The following ATG14 variants were observed in gnomAD, a reference collection of about 807,000 sequenced individuals.
ATG14 encodes beclin 1-associated autophagy-related key regulator.
A neutral mutation model predicts 60.4 loss-of-function variants in ATG14; 35 were observed. The observed-to-expected ratio is 0.58, with a 90% CI of 0.44 to 0.77. The LOEUF (loss-of-function observed/expected upper bound fraction) is 0.77. Among genes scored for constraint, ATG14 ranks in the 30% least tolerant of loss-of-function variants. ATG14 has a pLI of 0.00. For missense variants in ATG14, 647 were observed against 626.3 expected (o/e 1.03, Z -0.35); for synonymous variants, 234 against 228.8 (o/e 1.02, Z -0.21).
At chr14:55,382,222 AAG>A (rs760503667) in intron 5 of ATG14, 31 bp from the exon 6 acceptor site, 13 of 1,606,208 alleles carry the variant, frequency 8.1e-6, no homozygotes, top group South Asian at 3.3e-5. Flanking sequence ...ACGGATTTTC[AAG>A]AGAGAGGGTT....
intron 4 of ATG14, among the ~76,000 whole-genome samples, chr14:55,387,230 G>T (rs1416312030): frequency 6.6e-6 from 1 of 152,052 alleles, no homozygotes; most frequent in African/African-American, 2.4e-5. Context: ...CTCCAAATTG[G>T]TACATATCCC....
At chr14:55,383,220 C>T (rs1885064771) in intron 5 of ATG14, among the ~76,000 whole-genome samples, 2 of 151,858 alleles carry the variant, frequency 1.3e-5, no homozygotes, top group East Asian at 3.8e-4. Flanking sequence ...TTGAACTAAC[C>T]GAGGACTGAA....
At chr14:55,405,866 G>A (rs1248673739) in intron 1 of ATG14, among the ~76,000 whole-genome samples, 1 of 151,478 alleles carries the variant, frequency 6.6e-6, no homozygotes, top group Admixed American at 6.6e-5. Flanking sequence ...CTGAAGCCTG[G>A]GTCTCCCCTG....
At position 55,411,663 on chromosome 14, in the gene ATG14, T is replaced by TCAGCCGCCG; in HGVS notation, c.151_159dup (p.Arg51_Leu53dup). 6.2e-7 allele frequency: 1 copy of TCAGCCGCCG among 1,613,456 alleles called. No homozygotes were observed. Among genetic ancestry groups the TCAGCCGCCG allele is most frequent in the Non-Finnish European group, 8.5e-7 (1 of 1,179,918 alleles). On this transcript the variant is annotated inframe_insertion, in exon 1 of 10. Transcript: ENST00000247178. ...CCGCTCTGAACGCATTTGGCGCAGGTCAGCCGCCGGCGGGTAGTGTTGCAC... is the reference window on the plus strand; with the variant it reads ...CCGCTCTGAACGCATTTGGCGCAGGTCAGCCGCCGCAGCCGCCGGCGGGTAGTGTTGCAC...
In ATG14 at chr14:55,385,876, TTCC is replaced by T. The variant is rs1318991863; in HGVS notation, c.627_629del (p.Glu210del). On this transcript the variant is annotated inframe_deletion, in exon 5 of 10. Coordinates refer to ENST00000247178, the MANE Select transcript of ATG14 (RefSeq NM_014924.5). ...TAATGTACCTCACACCCGTCTTTAC[TTCC>T]TCGATTGGAAAAATGACAGAGGTGA... The T allele has an allele frequency of 1.2e-6, 2 of 1,612,098 alleles. No individual in the cohort carries two copies. The highest frequency in any genetic ancestry group is 1.7e-6 in the Non-Finnish European group (2 of 1,178,818).
chr14:55,404,164 G>A (rs1162881840), intron 1 of ATG14, among the ~76,000 whole-genome samples: 1 of 152,184 alleles, frequency 6.6e-6, no homozygotes, highest in African/African-American at 2.4e-5. Flanking sequence ...AGTGTACTAA[G>A]TTTTCCATTT....
intron 7 of ATG14, among the ~76,000 whole-genome samples, chr14:55,379,572 T>C (rs1183984748): frequency 1.3e-5 from 2 of 152,092 alleles, no homozygotes; most frequent in Admixed American, 1.3e-4. Flanking sequence ...AAACTTTTAA[T>C]TTTTTAAAAA....
intron 1 of ATG14, 29 bp downstream of exon 1, chr14:55,411,573 A>G (rs1441728947): frequency 1.3e-6 from 2 of 1,581,676 alleles, no homozygotes; most frequent in Non-Finnish European, 8.6e-7. Flanking sequence ...ACAGCAGAAG[A>G]AACAATAGGG....
At chr14:55,397,058 G>A (rs1885325070) in intron 2 of ATG14, among the ~76,000 whole-genome samples, 1 of 152,198 alleles carries the variant, frequency 6.6e-6, no homozygotes, top group Admixed American at 6.5e-5. Flanking sequence ...TCCTATGGGA[G>A]CCACCAGCAC....
intron 5 of ATG14, 21 bp from the exon 6 acceptor site, chr14:55,382,212 A>G (rs1326327064): frequency 1.9e-6 from 3 of 1,610,912 alleles, no homozygotes; most frequent in East Asian, 2.2e-5. Context: ...GAAGACACAC[A>G]CGGATTTTCA....
Position 55,393,177 on chromosome 14 carries a change from T to A in ATG14, c.328-2185A>T, listed in dbSNP as rs143440915. On this transcript the variant is annotated intron_variant, in intron 3 of 9. Transcript: ENST00000247178. ...TGGGCGGATCACGAGGTCAGGAGAT[T>A]GAGACCATCCTGGCTAACACGGTGA... is the stretch of plus-strand genomic sequence containing the variant. 2.4e-4 allele frequency among the ~76,000 whole-genome samples: 37 copies of A among 152,064 alleles called. No individual in the cohort carries two copies. In the South Asian group the frequency reaches 4.2e-3, roughly 17 times the overall value.
At chr14:55,405,906 GAA>G (rs1019083667) in intron 1 of ATG14, among the ~76,000 whole-genome samples, 2 of 151,850 alleles carry the variant, frequency 1.3e-5, no homozygotes, top group East Asian at 1.9e-4. Flanking sequence ...GGCAGGGGAA[GAA>G]AAGGCAGATG....
Position 55,369,561 on chromosome 14 carries a change from A to G in ATG14, c.*58T>C, listed in dbSNP as rs1357984198. ...AACTTAAACAGAAAATGTTTACTAG[A>G]GTGTAGTGGGAGAAGAACTTTCTTG... On this transcript the variant is annotated 3_prime_UTR_variant, in exon 10 of 10. Transcript: ENST00000247178. 9 of 1,371,022 alleles carry G rather than the reference A, an allele frequency of 6.6e-6. No individual in the cohort carries two copies. Among genetic ancestry groups the G allele is most frequent in the Non-Finnish European group, 7.8e-6 (8 of 1,023,308 alleles). The allele number at this position is 1,371,022 out of a possible 1,614,324, so 84.9% of individuals were successfully genotyped here. A position where few individuals can be genotyped will look rare whatever the true frequency, so the allele number is the denominator to read the frequency against.
intron 1 of ATG14, among the ~76,000 whole-genome samples, chr14:55,406,417 G>A (rs1885491693): frequency 1.3e-5 from 2 of 152,144 alleles, no homozygotes. Flanking sequence ...TTTTCATGAA[G>A]TTAAGGGGAA....
chr14:55,379,674 AG>A (rs1240534206), intron 7 of ATG14, among the ~76,000 whole-genome samples: 2 of 152,234 alleles, frequency 1.3e-5, no homozygotes, highest in Non-Finnish European at 2.9e-5. Context: ...GGAGGGTAGT[AG>A]GAAGATTGTA....
intron 5 of ATG14, among the ~76,000 whole-genome samples, chr14:55,383,158 G>A (rs10139000): frequency 2.6e-5 from 4 of 151,878 alleles, no homozygotes; most frequent in African/African-American, 9.7e-5. Context: ...TTACGCACGC[G>A]TCCCATGCCA....
intron 3 of ATG14, among the ~76,000 whole-genome samples, chr14:55,393,539 T>C (rs903698403): frequency 6.6e-6 from 1 of 151,422 alleles, no homozygotes; most frequent in Non-Finnish European, 1.5e-5. Context: ...TTAATGTGTA[T>C]CTTTTCAGAT....
In ATG14 at chr14:55,380,619, G is replaced by C; in HGVS notation, c.949C>G (p.Leu317Val). Residue 317 changes from leucine (L) to valine (V), a missense_variant, in exon 7 of 10, where the codon CTG (leucine) becomes GTG (valine). Transcript: ENST00000247178. ...AGATTTACATCAAGTATATGAGACAGAATGTTGACCAGCTGAGTTGCATAG... is the reference window on the plus strand; with the variant it reads ...AGATTTACATCAAGTATATGAGACACAATGTTGACCAGCTGAGTTGCATAG... ...LCYATQLVNI[L>V]SHILDVNLPK... 1 of 1,613,192 alleles carries C rather than the reference G, an allele frequency of 6.2e-7. No individual in the cohort carries two copies. The highest frequency in any genetic ancestry group is 8.5e-7 in the Non-Finnish European group (1 of 1,179,660).
chr14:55,391,491 G>A (rs78589204), intron 3 of ATG14, among the ~76,000 whole-genome samples: 6,897 of 141,900 alleles, frequency 0.049, 260 homozygotes, highest in South Asian at 0.075. Flanking sequence ...AAAAAAAAAA[G>A]GAAAGGGAAA....
Sources: allele counts gnomAD v4.1 joint callset (sites outside exome capture counted in the v4.1 genomes callset), GRCh38; gene constraint gnomAD v4.1.1; transcripts MANE v1.5; gene names NCBI Gene and HGNC (gene_info 2026-07-23, HGNC 2026-07-21).